The following EYS variants were observed in gnomAD, a reference collection of about 807,000 sequenced individuals.
The protein encoded by EYS is protein eyes shut homolog.
In EYS, 250 loss-of-function variants were observed where a neutral mutation model predicts 282.1. The observed-to-expected ratio is 0.89, with a 90% CI of 0.80 to 0.98. The LOEUF (loss-of-function observed/expected upper bound fraction) is 0.98. Ranked by LOEUF, EYS falls within the 50% of genes least tolerant of loss-of-function variation. The probability of loss-of-function intolerance (pLI) is 0.00; values close to 1 mark genes in which losing one functional copy is unlikely to be tolerated. For missense variants in EYS, 4,016 were observed against 3,709.0 expected (o/e 1.08, Z -2.15); for synonymous variants, 1,355 against 1,282.9 (o/e 1.06, Z -1.20).
intron 12 of EYS, among the ~76,000 whole-genome samples, chr6:65,253,362 T>C (rs1281800599): frequency 6.6e-6 from 1 of 151,938 alleles, no homozygotes; most frequent in Non-Finnish European, 1.5e-5. Context: ...GAATGTTGTG[T>C]TGTAGCTTCT....
At chr6:64,704,325 A>AT (rs1770898440) in intron 22 of EYS, among the ~76,000 whole-genome samples, 1 of 103,136 alleles carries the variant, frequency 9.7e-6, no homozygotes, top group African/African-American at 3.8e-5. Flanking sequence ...ACTATATATA[A>AT]ATATATATAC....
At chr6:64,553,533 G>C (rs1273538151) in intron 26 of EYS, among the ~76,000 whole-genome samples, 3 of 108,052 alleles carry the variant, frequency 2.8e-5, no homozygotes, top group African/African-American at 1.0e-4. Context: ...GAACATCTGT[G>C]ACTTTTGTTT....
intron 27 of EYS, 43 bp downstream of exon 27, chr6:64,439,119 A>C (rs1200529448): frequency 8.9e-7 from 1 of 1,120,628 alleles, no homozygotes; most frequent in Non-Finnish European, 1.2e-6. Flanking sequence ...TAATTAGAAC[A>C]ACTTTGTAAT....
chr6:65,666,811 T>C (rs1161340484), intron 1 of EYS, among the ~76,000 whole-genome samples: 4 of 151,316 alleles, frequency 2.6e-5, no homozygotes. Flanking sequence ...TCTTTATCTG[T>C]TATTTGTATT....
intron 35 of EYS, among the ~76,000 whole-genome samples, chr6:63,914,242 C>G (rs762886572): frequency 4.6e-5 from 7 of 152,142 alleles, no homozygotes; most frequent in Non-Finnish European, 1.0e-4. Context: ...CTCACTTAAA[C>G]TGTCCAAATC....
intron 37 of EYS, among the ~76,000 whole-genome samples, chr6:63,790,647 CAT>C (rs1222641059): frequency 2.6e-5 from 4 of 152,110 alleles, no homozygotes; most frequent in Non-Finnish European, 5.9e-5. Flanking sequence ...CAAGAGAAAA[CAT>C]AGATTCAGGA....
Position 65,364,247 on chromosome 6 carries a change from G to GCT in EYS, c.1300-10631_1300-10630insAG, listed in dbSNP as rs113187875. Among the ~76,000 whole-genome samples the GCT allele has an allele frequency of 2.0e-5, 3 of 146,406 alleles. No individual in the cohort carries two copies. In the South Asian group the frequency reaches 6.4e-4, roughly 31 times the overall value. On this transcript the variant is annotated intron_variant, in intron 8 of 42. Coordinates refer to ENST00000503581, the MANE Select transcript of EYS (RefSeq NM_001142800.2). ...GACTAAAAAATAAAATCAACTAAAT[G>GCT]TTTTTTTTTTCAATTTTTTTTCAAT...
At chr6:63,934,580 T>A (rs2149753495) in intron 35 of EYS, among the ~76,000 whole-genome samples, 1 of 152,014 alleles carries the variant, frequency 6.6e-6, no homozygotes, top group South Asian at 2.1e-4. Context: ...TAAAAAGTGA[T>A]GAGTTCATGT....
At chr6:64,192,231 C>T (rs1765135863) in intron 31 of EYS, among the ~76,000 whole-genome samples, 1 of 150,486 alleles carries the variant, frequency 6.6e-6, no homozygotes, top group Admixed American at 6.7e-5. Context: ...GGATATTAGC[C>T]CTTTGTCAGA....
intron 13 of EYS, among the ~76,000 whole-genome samples, chr6:65,011,350 C>T (rs537308348): frequency 2.0e-5 from 3 of 152,126 alleles, no homozygotes; most frequent in Non-Finnish European, 2.9e-5. Context: ...ACATTTCAAT[C>T]CCTGTATCTT....
intron 2 of EYS, among the ~76,000 whole-genome samples, chr6:65,526,304 A>T (rs1474795534): frequency 6.6e-6 from 1 of 152,218 alleles, no homozygotes; most frequent in African/African-American, 2.4e-5. Context: ...AAACCACGGC[A>T]GGTGTAGAAC....
intron 14 of EYS, among the ~76,000 whole-genome samples, chr6:64,983,745 C>A (rs1770759013): frequency 6.6e-6 from 1 of 150,670 alleles, no homozygotes; most frequent in South Asian, 2.1e-4. Context: ...TTTTTTTCTG[C>A]TAAGTTTTAA....
At chr6:65,036,916 C>A (rs530174363) in intron 13 of EYS, among the ~76,000 whole-genome samples, 9 of 152,038 alleles carry the variant, frequency 5.9e-5, no homozygotes, top group Non-Finnish European at 8.8e-5. Flanking sequence ...TCTCAAAGAA[C>A]TTAAAACAGA....
intron 31 of EYS, among the ~76,000 whole-genome samples, chr6:64,109,120 T>A (rs75695261): frequency 0.027 from 4,076 of 152,222 alleles, 64 homozygotes; most frequent in Non-Finnish European, 0.04. Flanking sequence ...ATCAGCTGCC[T>A]TATGTGTTTG....
chr6:64,348,887 T>C (rs1351284922), intron 29 of EYS, among the ~76,000 whole-genome samples: 2 of 151,414 alleles, frequency 1.3e-5, no homozygotes, highest in African/African-American at 4.8e-5. Context: ...TTTGGCATTA[T>C]TGAGTTGTTT....
At chr6:64,964,534 T>G (rs1770032241) in intron 14 of EYS, among the ~76,000 whole-genome samples, 1 of 152,166 alleles carries the variant, frequency 6.6e-6, no homozygotes, top group South Asian at 2.1e-4. Context: ...TATTTGTTGA[T>G]AAAATATCTT....
intron 8 of EYS, among the ~76,000 whole-genome samples, chr6:65,363,606 A>G (rs1764800144): frequency 1.3e-5 from 2 of 151,788 alleles, no homozygotes; most frequent in South Asian, 4.2e-4. Flanking sequence ...GCTAAAAGTG[A>G]CTTTAATATT....
chr6:64,987,506 T>C lies in EYS; in HGVS notation c.2259+10076A>G, dbSNP rs1770901344. Among the ~76,000 whole-genome samples, 6 of 151,656 alleles carry C rather than the reference T, an allele frequency of 4.0e-5. No individual in the cohort carries two copies. In the South Asian group the frequency reaches 1.0e-3, roughly 26 times the overall value. On this transcript the variant is annotated intron_variant, in intron 14 of 42. Coordinates refer to ENST00000503581, the MANE Select transcript of EYS (RefSeq NM_001142800.2). ...CTGGTGTATTGTAGAGACTCTGAAA[T>C]ACTGATTTGCTCTTGGAATCCTTGT...
At chr6:65,134,052 C>A (rs2150204265) in intron 12 of EYS, among the ~76,000 whole-genome samples, 1 of 152,142 alleles carries the variant, frequency 6.6e-6, no homozygotes, top group Admixed American at 6.6e-5. Flanking sequence ...ATCAAAACCA[C>A]AATGAGATAC....
Sources: allele counts gnomAD v4.1 joint callset (sites outside exome capture counted in the v4.1 genomes callset), GRCh38; gene constraint gnomAD v4.1.1; transcripts MANE v1.5; gene names NCBI Gene and HGNC (gene_info 2026-07-23, HGNC 2026-07-21).